The following PREX2 variants were observed in gnomAD, a reference collection of about 807,000 sequenced individuals.
The protein encoded by PREX2 is phosphatidylinositol-3,4,5-trisphosphate dependent Rac exchange factor 2.
In PREX2, 107 loss-of-function variants were observed where a neutral mutation model predicts 203.2. The ratio of observed to expected loss-of-function variants is 0.53; its 90% confidence interval spans 0.45 to 0.62. The LOEUF (loss-of-function observed/expected upper bound fraction) is 0.62, where lower values mean the gene tolerates loss of function less well. Among genes scored for constraint, PREX2 ranks in the 20% least tolerant of loss-of-function variants. PREX2 has a pLI of 0.00. For synonymous variants in PREX2, 672 were observed against 663.6 expected, an observed-to-expected ratio of 1.01 and a Z score of -0.19; for missense variants, 1,777 against 1,955.9, an observed-to-expected ratio of 0.91 and a Z score of 1.72.
chr8:68,131,917 G>A (rs1461731212), intron 31 of PREX2, among the ~76,000 whole-genome samples: 4 of 152,028 alleles, frequency 2.6e-5, no homozygotes, highest in African/African-American at 9.7e-5. Flanking sequence ...CAAATCTACT[G>A]AAGTATTTTT....
intron 31 of PREX2, among the ~76,000 whole-genome samples, chr8:68,132,728 T>A (rs189007465): frequency 3.2e-3 from 481 of 152,334 alleles, no homozygotes; most frequent in Non-Finnish European, 5.4e-3. Flanking sequence ...TGCTTCTTTA[T>A]TCCAGAAGAG....
At position 68,044,473 on chromosome 8, in the gene PREX2, A is replaced by C. The variant is rs1808285664; in HGVS notation, c.840-14A>C. 1 of 1,570,312 alleles carries C rather than the reference A, an allele frequency of 6.4e-7. No homozygotes were observed. The highest frequency in any genetic ancestry group is 1.4e-5 in the African/African-American group (1 of 73,926). On this transcript the variant is annotated splice_polypyrimidine_tract_variant and intron_variant, in intron 7 of 39. Transcript: ENST00000288368. ...TTTAGTAACAAAGTCTTTGTGATTTAATTCCATCTTAAGACGGTTGAAGAA... is the reference window on the plus strand; with the variant it reads ...TTTAGTAACAAAGTCTTTGTGATTTCATTCCATCTTAAGACGGTTGAAGAA...
At chr8:68,116,053 T>C in intron 26 of PREX2, 121 bp downstream of exon 26, 1 of 805,472 alleles carries the variant, frequency 1.2e-6, no homozygotes, top group South Asian at 1.8e-5. Context: ...TTCACAATAA[T>C]CACCTGTTAC....
intron 8 of PREX2, among the ~76,000 whole-genome samples, chr8:68,045,528 C>A (rs1254888895): frequency 6.6e-6 from 1 of 152,034 alleles, no homozygotes; most frequent in Admixed American, 6.6e-5. Flanking sequence ...TTTCTCAATA[C>A]CATTGTTAGC....
chr8:68,054,119 T>C (rs1808604574), intron 9 of PREX2, among the ~76,000 whole-genome samples: 1 of 152,218 alleles, frequency 6.6e-6, no homozygotes, highest in African/African-American at 2.4e-5. Flanking sequence ...CTGAAGAATA[T>C]GCAACATTGC....
intron 1 of PREX2, among the ~76,000 whole-genome samples, chr8:67,979,804 A>G (rs1246352054): frequency 1.3e-5 from 2 of 152,198 alleles, no homozygotes; most frequent in African/African-American, 4.8e-5. Flanking sequence ...TGTCTTTTAC[A>G]TCTTCCCATT....
At chr8:68,036,721 G>A (rs1205782059) in intron 6 of PREX2, among the ~76,000 whole-genome samples, 7 of 152,078 alleles carry the variant, frequency 4.6e-5, no homozygotes, top group African/African-American at 1.7e-4. Context: ...TGAGGTGGGT[G>A]GATCACCTGA....
chr8:68,118,523 C>G (rs776083696), intron 26 of PREX2, 27 bp from the exon 27 acceptor site: 1 of 1,529,944 alleles, frequency 6.5e-7, no homozygotes, highest in South Asian at 1.1e-5. Flanking sequence ...TGCACTCTTA[C>G]AGTAACATGA....
chr8:68,056,099 T>C (rs1389107586), intron 10 of PREX2, 125 bp downstream of exon 10: 3 of 926,310 alleles, frequency 3.2e-6, no homozygotes, highest in East Asian at 5.0e-5. Context: ...TTCTTTACAG[T>C]TGCCATTTCC....
chr8:68,047,918 A>T (rs1030348473), intron 8 of PREX2, among the ~76,000 whole-genome samples: 7 of 152,020 alleles, frequency 4.6e-5, no homozygotes, highest in Non-Finnish European at 8.8e-5. Flanking sequence ...CTTTTGATAA[A>T]TAATATTATT....
intron 23 of PREX2, chr8:68,105,667 CATATATATATGGATT>C: frequency 4.5e-6 from 2 of 448,332 alleles, no homozygotes; most frequent in South Asian, 1.1e-4. Context: ...AATGACAGAC[CATATATATATGGATT>C]ATATATATAT....
intron 1 of PREX2, among the ~76,000 whole-genome samples, chr8:67,976,530 A>ATGC (rs1563480007): frequency 7.8e-6 from 1 of 128,936 alleles, no homozygotes; most frequent in Non-Finnish European, 1.7e-5. Flanking sequence ...AGAGACAGAG[A>ATGC]GAGAGAGACG....
intron 32 of PREX2, among the ~76,000 whole-genome samples, chr8:68,137,199 C>A (rs1400257278): frequency 6.6e-6 from 1 of 152,138 alleles, no homozygotes; most frequent in African/African-American, 2.4e-5. Flanking sequence ...AGCCACCATG[C>A]CTGGCCTACA....
intron 30 of PREX2, among the ~76,000 whole-genome samples, chr8:68,122,297 T>C (rs1810790550): frequency 6.6e-6 from 1 of 152,118 alleles, no homozygotes; most frequent in South Asian, 2.1e-4. Flanking sequence ...ATAGTGATTC[T>C]ATCTTGCGAT....
chr8:68,053,333 A>G, intron 9 of PREX2, 87 bp downstream of exon 9: 1 of 1,417,698 alleles, frequency 7.1e-7, no homozygotes, highest in Non-Finnish European at 9.8e-7. Context: ...GAGAAAATGG[A>G]AAGGTATATG....
intron 1 of PREX2, among the ~76,000 whole-genome samples, chr8:68,013,873 G>T (rs1276466060): frequency 6.6e-6 from 1 of 152,122 alleles, no homozygotes; most frequent in Non-Finnish European, 1.5e-5. Flanking sequence ...ATTTGTTGGA[G>T]TAATAAGGTT....
intron 19 of PREX2, among the ~76,000 whole-genome samples, chr8:68,088,607 T>C (rs1809773098): frequency 7.1e-6 from 1 of 141,514 alleles, no homozygotes; most frequent in Non-Finnish European, 1.6e-5. Context: ...ACATACTAGC[T>C]AGACCTTTAT....
intron 4 of PREX2, among the ~76,000 whole-genome samples, chr8:68,026,110 C>T (rs898896478): frequency 3.3e-5 from 5 of 152,166 alleles, no homozygotes; most frequent in Admixed American, 3.3e-4. Flanking sequence ...GAGTGAAACC[C>T]CCAAAGAGCA....
At chr8:68,118,967 A>T (rs2129613060) in intron 27 of PREX2, 5 of 490,006 alleles carry the variant, frequency 1.0e-5, no homozygotes, top group Middle Eastern at 3.2e-4. Context: ...GTTGATGGGG[A>T]TGGGCAGGTG....
Sources: allele counts gnomAD v4.1 joint callset (sites outside exome capture counted in the v4.1 genomes callset), GRCh38; gene constraint gnomAD v4.1.1; transcripts MANE v1.5; gene names NCBI Gene and HGNC (gene_info 2026-07-23, HGNC 2026-07-21).